Variants in KSR2 observed in about 807,000 individuals in gnomAD.
KSR2 encodes kinase suppressor of ras 2.
Under a neutral mutation model 107.8 loss-of-function variants are expected in KSR2, and 25 were observed. The ratio of observed to expected loss-of-function variants is 0.23; its 90% CI spans 0.17 to 0.32. The LOEUF (loss-of-function observed/expected upper bound fraction) is 0.32, where lower values mean the gene tolerates loss of function less well. KSR2 is among the 10% of genes least tolerant of loss of function. The pLI is 1.00. For synonymous variants in KSR2, 480 were observed against 507.0 expected (o/e 0.95, Z 0.71); for missense variants, 887 against 1,268.9 (o/e 0.70, Z 4.57).
intron 1 of KSR2, among the ~76,000 whole-genome samples, chr12:117,870,418 T>C (rs977777162): frequency 9.9e-5 from 15 of 151,798 alleles, no homozygotes; most frequent in African/African-American, 3.6e-4. Context: ...CTGGCCAACA[T>C]AGTGAAACCC....
intron 1 of KSR2, among the ~76,000 whole-genome samples, chr12:117,892,826 A>G (rs1894389630): frequency 6.7e-6 from 1 of 149,616 alleles, no homozygotes; most frequent in African/African-American, 2.5e-5. Flanking sequence ...ATCTCATGAG[A>G]AGTTGCTTTT....
chr12:117,922,675 T>C (rs1340806350), intron 1 of KSR2, among the ~76,000 whole-genome samples: 2 of 152,154 alleles, frequency 1.3e-5, no homozygotes, highest in Non-Finnish European at 2.9e-5. Context: ...AACACAAATA[T>C]TTAGAGCTTT....
intron 7 of KSR2, among the ~76,000 whole-genome samples, chr12:117,562,927 C>T (rs61160193): frequency 8.0e-4 from 122 of 152,246 alleles, no homozygotes; most frequent in Middle Eastern, 3.4e-3. Flanking sequence ...ATGTCAAGAA[C>T]GAGAGCCTGC....
chr12:117,802,054 T>C (rs1890851392), intron 3 of KSR2, among the ~76,000 whole-genome samples: 1 of 152,196 alleles, frequency 6.6e-6, no homozygotes, highest in Non-Finnish European at 1.5e-5. Flanking sequence ...ACATTCATTA[T>C]CTTAAAATTC....
At chr12:117,495,294 C>T (rs973418179) in intron 14 of KSR2, among the ~76,000 whole-genome samples, 16 of 152,348 alleles carry the variant, frequency 1.1e-4, no homozygotes, top group Non-Finnish European at 1.8e-4. Flanking sequence ...AAATTCCAGC[C>T]TCCGGCAATC....
chr12:117,643,737 C>T (rs1204957394), intron 5 of KSR2, among the ~76,000 whole-genome samples: 2 of 151,984 alleles, frequency 1.3e-5, no homozygotes, highest in Non-Finnish European at 2.9e-5. Flanking sequence ...GATTCTGGGC[C>T]CAGCCTCAGA....
intron 1 of KSR2, among the ~76,000 whole-genome samples, chr12:117,879,647 G>A (rs1024752838): frequency 1.3e-5 from 2 of 152,220 alleles, no homozygotes; most frequent in African/African-American, 4.8e-5. Flanking sequence ...AGCCCAGGAG[G>A]TGGAGGCTGC....
chr12:117,753,967 T>C (rs1321161417), intron 4 of KSR2, among the ~76,000 whole-genome samples: 2 of 149,092 alleles, frequency 1.3e-5, no homozygotes, highest in South Asian at 2.2e-4. Context: ...TGTGTGTGTG[T>C]GTGTGTGTGT....
chr12:117,495,380 A>G (rs993352866), intron 14 of KSR2, among the ~76,000 whole-genome samples: 2 of 152,240 alleles, frequency 1.3e-5, no homozygotes, highest in Non-Finnish European at 2.9e-5. Flanking sequence ...ATAATAAAAA[A>G]TGCCAGGTTA....
At chr12:117,900,488 C>A (rs1894649618) in intron 1 of KSR2, among the ~76,000 whole-genome samples, 1 of 152,120 alleles carries the variant, frequency 6.6e-6, no homozygotes, top group Non-Finnish European at 1.5e-5. Context: ...AAAACAGACA[C>A]AAAATTAACA....
chr12:117,632,994 G>T (rs1026599471), intron 5 of KSR2, among the ~76,000 whole-genome samples: 1 of 152,204 alleles, frequency 6.6e-6, no homozygotes. Flanking sequence ...GTGCTGTAAT[G>T]AACTGCTCTA....
At position 117,968,472 on chromosome 12, in the gene KSR2, G is replaced by T; in HGVS notation, c.-217C>A. On this transcript the variant is annotated 5_prime_UTR_variant, in exon 1 of 20. Coordinates refer to ENST00000339824, the MANE Select transcript of KSR2 (RefSeq NM_173598.6). ...ATTATTTTATTTTGGGATATCAAGC[G>T]GACTCCATTAGAATGTCTCCTCTCT... The T allele has an allele frequency of 7.6e-7, 1 of 1,317,904 alleles. No homozygotes were observed. The highest frequency in any genetic ancestry group is 9.6e-7 in the Non-Finnish European group (1 of 1,041,312). 81.6% of individuals were successfully genotyped at this position (1,317,904 alleles called of 1,614,324 possible). A position where few individuals can be genotyped will look rare whatever the true frequency, so the allele number is the denominator to read the frequency against.
chr12:117,618,508 T>A (rs998541567), intron 5 of KSR2, among the ~76,000 whole-genome samples: 1 of 152,092 alleles, frequency 6.6e-6, no homozygotes. Context: ...AGTCATGGCC[T>A]GATATGGTTT....
intron 14 of KSR2, among the ~76,000 whole-genome samples, chr12:117,491,912 C>A (rs1048887652): frequency 1.3e-5 from 2 of 152,244 alleles, no homozygotes; most frequent in East Asian, 3.8e-4. Context: ...CCATCGCCTA[C>A]GGCAATGAAG....
chr12:117,455,476 G>T lies in KSR2; in HGVS notation c.*11723C>A, dbSNP rs1870572634. The T allele has an allele frequency of 6.6e-6, 1 of 152,194 alleles. No homozygotes were observed. The highest frequency in any genetic ancestry group is 1.5e-5 in the Non-Finnish European group (1 of 68,062). The allele number at this position is 152,194 out of a possible 1,614,324, so 9.4% of individuals were successfully genotyped here. A position where few individuals can be genotyped will look rare whatever the true frequency, so the allele number is the denominator to read the frequency against. On this transcript the variant is annotated 3_prime_UTR_variant, in exon 20 of 20. Transcript: ENST00000339824. ...AGGGTTCAGAAGTCTCCTCCTCTGA[G>T]AATCCTTCCTGGAGGGTCTTTCTCT...
At chr12:117,682,476 G>A (rs972631427) in intron 4 of KSR2, among the ~76,000 whole-genome samples, 19 of 151,824 alleles carry the variant, frequency 1.3e-4, no homozygotes, top group African/African-American at 3.9e-4. Flanking sequence ...GGAATGCAAC[G>A]GCGCAATCTC....
intron 5 of KSR2, among the ~76,000 whole-genome samples, chr12:117,651,319 G>T (rs1316207650): frequency 6.6e-6 from 1 of 152,186 alleles, no homozygotes; most frequent in Non-Finnish European, 1.5e-5. Flanking sequence ...TTTGCTTCTA[G>T]ACCTATAACC....
At chr12:117,613,048 T>A (rs1517199) in intron 5 of KSR2, among the ~76,000 whole-genome samples, 124,872 of 151,932 alleles carry the variant, frequency 0.82, 51,603 homozygotes, top group East Asian at 0.97. Context: ...TCTGGTAGTA[T>A]CTTTATATCA....
At chr12:117,469,984 T>C (rs1463388558) in intron 18 of KSR2, among the ~76,000 whole-genome samples, 189 bp from the exon 19 acceptor site, 1 of 151,060 alleles carries the variant, frequency 6.6e-6, no homozygotes, top group Non-Finnish European at 1.5e-5. Flanking sequence ...ATCCAATCAA[T>C]TCACTCTTCC....
Sources: gnomAD v4.1 joint callset for allele counts (sites outside exome capture counted in the v4.1 genomes callset) on GRCh38, gnomAD v4.1.1 for gene constraint, MANE v1.5 for transcripts, NCBI Gene and HGNC (gene_info 2026-07-23, HGNC 2026-07-21) for gene names.